FTO: variants seen among roughly 807,000 people sequenced by gnomAD.
The protein encoded by FTO is FTO alpha-ketoglutarate dependent dioxygenase.
FTO carries 47 observed loss-of-function variants against 63.9 expected under a neutral mutation model. That is an observed-to-expected ratio of 0.74 (90% CI 0.58 to 0.94). FTO has a LOEUF of 0.94. FTO is among the 40% of genes least tolerant of loss of function. The pLI, the probability that FTO is intolerant of heterozygous loss-of-function variation, is 0.00. For synonymous variants in FTO, 207 were observed against 224.4 expected, an observed-to-expected ratio of 0.92 and a Z score of 0.69; for missense variants, 562 against 618.1, an observed-to-expected ratio of 0.91 and a Z score of 0.96.
intron 1 of FTO, among the ~76,000 whole-genome samples, chr16:53,784,123 C>T (rs762206419): frequency 3.9e-5 from 6 of 152,182 alleles, no homozygotes; most frequent in Non-Finnish European, 8.8e-5. Flanking sequence ...AGGGTTTCGT[C>T]TTAAAACCTG....
At chr16:53,896,947 C>G (rs1351208066) in intron 7 of FTO, among the ~76,000 whole-genome samples, 1 of 152,118 alleles carries the variant, frequency 6.6e-6, no homozygotes, top group Admixed American at 6.5e-5. Flanking sequence ...GAAATGTACT[C>G]CCAGTGCCAA....
At chr16:53,808,165 CAA>C (rs1335251892) in intron 1 of FTO, among the ~76,000 whole-genome samples, 1 of 151,788 alleles carries the variant, frequency 6.6e-6, no homozygotes, top group Non-Finnish European at 1.5e-5. Flanking sequence ...CTCATCTCTA[CAA>C]AAAAAGTAAA....
chr16:54,064,887 C>G (rs1400860185), intron 8 of FTO, among the ~76,000 whole-genome samples: 1 of 152,056 alleles, frequency 6.6e-6, no homozygotes, highest in Non-Finnish European at 1.5e-5. Context: ...TTTTTATTAA[C>G]TTGAGAGCTA....
At chr16:53,913,888 A>AGAATTGCTG (rs1368362991) in intron 7 of FTO, among the ~76,000 whole-genome samples, 1 of 151,680 alleles carries the variant, frequency 6.6e-6, no homozygotes, top group Non-Finnish European at 1.5e-5. Flanking sequence ...CTGAGGCAGG[A>AGAATTGCTG]GAATTGCTGG....
At chr16:53,835,480 C>A (rs2079263134) in intron 3 of FTO, among the ~76,000 whole-genome samples, 2 of 152,126 alleles carry the variant, frequency 1.3e-5, no homozygotes, top group Non-Finnish European at 2.9e-5. Context: ...AGTATGAAAA[C>A]CTTGTTAGGA....
intron 8 of FTO, among the ~76,000 whole-genome samples, chr16:53,951,483 G>T (rs1469415459): frequency 6.6e-6 from 1 of 152,190 alleles, no homozygotes; most frequent in Non-Finnish European, 1.5e-5. Context: ...AGTGAAATGT[G>T]CCAAGGCCTA....
intron 1 of FTO, among the ~76,000 whole-genome samples, chr16:53,704,824 G>A (rs774575733): frequency 9.2e-5 from 14 of 152,206 alleles, no homozygotes; most frequent in Non-Finnish European, 1.8e-4. Context: ...ACTGTATTAA[G>A]TGCATAATAT....
intron 1 of FTO, among the ~76,000 whole-genome samples, chr16:53,719,288 G>T (rs1598483048): frequency 7.4e-6 from 1 of 134,286 alleles, no homozygotes; most frequent in African/African-American, 2.8e-5. Flanking sequence ...GCAGAGTCTT[G>T]CTGTGTCACC....
intron 1 of FTO, among the ~76,000 whole-genome samples, chr16:53,721,574 G>A (rs979432165): frequency 6.6e-6 from 1 of 152,092 alleles, no homozygotes; most frequent in South Asian, 2.1e-4. Context: ...CTATGGAAGG[G>A]TGATAATTGT....
chr16:54,094,952 C>A (rs2086480928), intron 8 of FTO, among the ~76,000 whole-genome samples: 2 of 152,176 alleles, frequency 1.3e-5, no homozygotes, highest in Non-Finnish European at 1.5e-5. Flanking sequence ...AATCCAGTCT[C>A]CACAGTGGCT....
chr16:54,105,481 G>A (rs1286962045), intron 8 of FTO, among the ~76,000 whole-genome samples: 2 of 152,112 alleles, frequency 1.3e-5, no homozygotes, highest in East Asian at 1.9e-4. Flanking sequence ...GGTCTGACCC[G>A]CCCTGGCTCA....
intron 8 of FTO, among the ~76,000 whole-genome samples, chr16:54,080,174 G>A (rs1344296412): frequency 6.6e-6 from 1 of 152,116 alleles, no homozygotes; most frequent in Non-Finnish European, 1.5e-5. Flanking sequence ...ATTGCTTGAG[G>A]CCAGGCATTC....
chr16:54,009,064 G>A (rs1247209648), intron 8 of FTO, among the ~76,000 whole-genome samples: 1 of 151,890 alleles, frequency 6.6e-6, no homozygotes, highest in Non-Finnish European at 1.5e-5. Flanking sequence ...CAACTTGATG[G>A]TAACTAACAA....
chr16:54,093,660 C>T (rs1246320959), intron 8 of FTO, among the ~76,000 whole-genome samples: 1 of 152,210 alleles, frequency 6.6e-6, no homozygotes, highest in African/African-American at 2.4e-5. Context: ...TAATGACATT[C>T]TGCACAAGCA....
At chr16:53,823,125 C>G (rs1013608755) in intron 2 of FTO, among the ~76,000 whole-genome samples, 3 of 152,170 alleles carry the variant, frequency 2.0e-5, no homozygotes, top group Admixed American at 1.3e-4. Context: ...GACTTTCACC[C>G]CCAGCACTCT....
At position 53,820,313 on chromosome 16, in the gene FTO, G is replaced by C. The variant is rs115425382; in HGVS notation, c.124-5551G>C. Among the ~76,000 whole-genome samples the C allele has an allele frequency of 4.8e-3, 737 of 152,062 alleles. 4 individuals are homozygous for C. Among genetic ancestry groups the C allele is most frequent in the African/African-American group, 0.017 (708 of 41,488 alleles). ...TGTAAGCCACCGCTCCAGGCCACTA[G>C]TACTATCTTCTTTTAGGAGCTTGTG... On this transcript the variant is annotated intron_variant, in intron 2 of 8. Transcript: ENST00000471389.
chr16:53,934,130 G>T (rs1321564619), intron 8 of FTO, 21 bp downstream of exon 8: 1 of 1,613,810 alleles, frequency 6.2e-7, no homozygotes, highest in Non-Finnish European at 8.5e-7. Context: ...TTGTGAAATG[G>T]GATTTGTTGT....
In FTO at chr16:53,844,241, A is replaced by G; in HGVS notation, c.838A>G (p.Ile280Val). ...TGTTGGTTTTAAGATCTCATGGGAC[A>G]TAGAGACACCTGGTTTGGCGATACC... Reference protein sequence around the residue: ...WHVGFKISWDIETPGLAIPLH... With the variant: ...WHVGFKISWDVETPGLAIPLH... The change falls in exon 4 of 9, where the codon ATA becomes GTA. Residue 280 changes from isoleucine (I) to valine (V), a missense_variant. Coordinates refer to ENST00000471389, the MANE Select transcript of FTO (RefSeq NM_001080432.3). 3 of 1,613,296 alleles carry G rather than the reference A, an allele frequency of 1.9e-6. No individual in the cohort carries two copies. The highest frequency in any genetic ancestry group is 2.2e-5 in the East Asian group (1 of 44,864).
intron 8 of FTO, among the ~76,000 whole-genome samples, chr16:54,029,431 T>G (rs1470900824): frequency 6.6e-6 from 1 of 152,144 alleles, no homozygotes; most frequent in Non-Finnish European, 1.5e-5. Flanking sequence ...GAAGAAAAGC[T>G]TCCTTACTTT....
Sources: gnomAD v4.1 joint callset for allele counts (sites outside exome capture counted in the v4.1 genomes callset) on GRCh38, gnomAD v4.1.1 for gene constraint, MANE v1.5 for transcripts, NCBI Gene and HGNC (gene_info 2026-07-23, HGNC 2026-07-21) for gene names.